DTHD1: variants seen among roughly 807,000 people sequenced by gnomAD.
DTHD1 encodes the protein death domain-containing protein 1.
In DTHD1, 59 loss-of-function variants were observed where a neutral mutation model predicts 74.8. The observed-to-expected ratio is 0.79, with a 90% CI of 0.64 to 0.98. The LOEUF (loss-of-function observed/expected upper bound fraction) is 0.98, where lower values mean the gene tolerates loss of function less well. DTHD1 is among the 50% of genes least tolerant of loss of function. DTHD1 has a pLI of 0.00. For missense variants in DTHD1, 1,051 were observed against 1,065.4 expected (o/e 0.99, Z 0.19); for synonymous variants, 365 against 371.1 (o/e 0.98, Z 0.19).
chr4:36,297,225 G>GA (rs1361221553), intron 5 of DTHD1, among the ~76,000 whole-genome samples: 1 of 152,116 alleles, frequency 6.6e-6, no homozygotes, highest in African/African-American at 2.4e-5. Flanking sequence ...CACACCTACA[G>GA]AATTCAAACC....
chr4:36,330,652 T>C (rs1758608338), intron 8 of DTHD1, among the ~76,000 whole-genome samples: 1 of 152,128 alleles, frequency 6.6e-6, no homozygotes, highest in Admixed American at 6.5e-5. Context: ...TCATGACTAG[T>C]TTTGCCATAT....
Position 36,345,548 on chromosome 4 carries a change from A to G in DTHD1, c.*1724A>G, listed in dbSNP as rs902251926. ...AAATTAACCAGGGATTTAGATATCT[A>G]TTCAGGTATATATCAAAAAAGGCGA... On this transcript the variant is annotated 3_prime_UTR_variant, in exon 10 of 10. Transcript: ENST00000639862. 7 of 152,336 alleles carry G rather than the reference A, an allele frequency of 4.6e-5. No individual in the cohort carries two copies. The East Asian group carries it at 1.2e-3, about 25-fold the overall frequency. The allele number at this position is 152,336 out of a possible 1,614,324, so 9.4% of individuals were successfully genotyped here.
In DTHD1 at chr4:36,319,709, T is replaced by C. The variant is rs566208683; in HGVS notation, c.2340+3223T>C. Among the ~76,000 whole-genome samples the C allele has an allele frequency of 2.0e-4, 31 of 152,372 alleles. No individual in the cohort carries two copies. In the South Asian group the frequency reaches 5.2e-3, roughly 25 times the overall value. ...GGAATTCAGCTTTCACTTATTAGTG[T>C]TTCCTCTGTTGCCTGACTTTATAAA... On this transcript the variant is annotated intron_variant, in intron 8 of 9. Transcript: ENST00000639862.
chr4:36,307,139 TGAA>T (rs1192989003), intron 6 of DTHD1, among the ~76,000 whole-genome samples: 7 of 152,324 alleles, frequency 4.6e-5, no homozygotes, highest in African/African-American at 1.4e-4. Context: ...GCCAAATCAC[TGAA>T]GAAGAATTTG....
At chr4:36,332,455 C>T (rs755310664) in intron 8 of DTHD1, among the ~76,000 whole-genome samples, 6 of 152,078 alleles carry the variant, frequency 3.9e-5, no homozygotes, top group African/African-American at 4.8e-5. Context: ...TCATTCTTTG[C>T]GGCTGGGAAG....
Position 36,326,253 on chromosome 4 carries a change from C to T in DTHD1, c.2340+9767C>T, listed in dbSNP as rs930364661. Among the ~76,000 whole-genome samples, 3 of 149,994 alleles carry T rather than the reference C, an allele frequency of 2.0e-5. No individual in the cohort carries two copies. The East Asian group carries it at 5.8e-4, about 29-fold the overall frequency. ...CTGCACTGTATCTGTAACTAAAGCA[C>T]TTTGAATATATATATAACATATATA... On this transcript the variant is annotated intron_variant, in intron 8 of 9. Coordinates refer to ENST00000639862, the MANE Select transcript of DTHD1 (RefSeq NM_001170700.3).
intron 8 of DTHD1, among the ~76,000 whole-genome samples, chr4:36,337,220 C>T (rs908065685): frequency 6.6e-6 from 1 of 152,008 alleles, no homozygotes; most frequent in Non-Finnish European, 1.5e-5. Context: ...AAGAAGGCAA[C>T]GTAGAAAATC....
At chr4:36,339,073 T>G in intron 8 of DTHD1, 39 bp from the exon 9 acceptor site, 1 of 1,486,286 alleles carries the variant, frequency 6.7e-7, no homozygotes, top group Non-Finnish European at 9.1e-7. Context: ...ACAAATTAAT[T>G]ACTTCTTCTG....
chr4:36,324,693 CT>C (rs1758239600), intron 8 of DTHD1, among the ~76,000 whole-genome samples: 1 of 152,186 alleles, frequency 6.6e-6, no homozygotes, highest in Admixed American at 6.5e-5. Context: ...AAAATTCTAG[CT>C]TTCAAGGAGA....
chr4:36,325,960 A>C (rs913928142), intron 8 of DTHD1, among the ~76,000 whole-genome samples: 1 of 152,150 alleles, frequency 6.6e-6, no homozygotes, highest in Non-Finnish European at 1.5e-5. Context: ...TCACTCTTCC[A>C]AAACTTCTCA....
At chr4:36,325,889 C>A (rs61307526) in intron 8 of DTHD1, among the ~76,000 whole-genome samples, 43,044 of 152,016 alleles carry the variant, frequency 0.28, 6,340 homozygotes, top group South Asian at 0.38. Context: ...CCCTTATCTG[C>A]TTTAGGCTGC....
At chr4:36,312,912 A>G (rs1757486724) in intron 7 of DTHD1, among the ~76,000 whole-genome samples, 1 of 152,214 alleles carries the variant, frequency 6.6e-6, no homozygotes, top group Non-Finnish European at 1.5e-5. Context: ...TTAGAGCAAG[A>G]GGAGAAGCAA....
rs1302474040 is a variant in DTHD1, at chr4:36,308,498, G to A, written c.2095+5G>A. ...CTGGAAACATATTTGCTTCAAGTAA[G>A]TATAAAGAAATCTTTTTATATATTT... On this transcript the variant is annotated splice_donor_5th_base_variant and intron_variant, in intron 7 of 9. Coordinates refer to ENST00000639862, the MANE Select transcript of DTHD1 (RefSeq NM_001170700.3). 2.6e-6 allele frequency: 4 copies of A among 1,538,640 alleles called. No individual in the cohort carries two copies. In the Admixed American group the frequency reaches 8.1e-5, roughly 31 times the overall value.
intron 2 of DTHD1, among the ~76,000 whole-genome samples, chr4:36,287,896 A>G (rs1755812808): frequency 6.6e-6 from 1 of 151,976 alleles, no homozygotes. Context: ...CCTTTGTCGG[A>G]TATATAGATT....
At chr4:36,337,127 G>A (rs1021245941) in intron 8 of DTHD1, among the ~76,000 whole-genome samples, 3 of 152,092 alleles carry the variant, frequency 2.0e-5, no homozygotes, top group Non-Finnish European at 2.9e-5. Flanking sequence ...AAGGTAGTGT[G>A]CAAAGCGAAA....
At chr4:36,337,712 T>C (rs543316343) in intron 8 of DTHD1, among the ~76,000 whole-genome samples, 1 of 152,362 alleles carries the variant, frequency 6.6e-6, no homozygotes, top group African/African-American at 2.4e-5. Flanking sequence ...CTTCCATGTT[T>C]ATGTAATATT....
intron 9 of DTHD1, among the ~76,000 whole-genome samples, chr4:36,339,589 A>G (rs754432154): frequency 1.6e-4 from 24 of 152,242 alleles, no homozygotes; most frequent in Non-Finnish European, 3.2e-4. Context: ...CATAAGAAAC[A>G]TTTAATATTT....
At chr4:36,310,335 AAGAAG>A (rs1480312967) in intron 7 of DTHD1, among the ~76,000 whole-genome samples, 1 of 152,238 alleles carries the variant, frequency 6.6e-6, no homozygotes, top group African/African-American at 2.4e-5. Flanking sequence ...GAAAAAGAAC[AAGAAG>A]AGAAAACAGC....
At chr4:36,337,653 T>C (rs1759087288) in intron 8 of DTHD1, among the ~76,000 whole-genome samples, 1 of 152,244 alleles carries the variant, frequency 6.6e-6, no homozygotes, top group African/African-American at 2.4e-5. Context: ...ACTCATGCTA[T>C]GTTTCTTAAT....
Sources: gnomAD v4.1 joint callset for allele counts (sites outside exome capture counted in the v4.1 genomes callset) on GRCh38, gnomAD v4.1.1 for gene constraint, MANE v1.5 for transcripts, NCBI Gene and HGNC (gene_info 2026-07-23, HGNC 2026-07-21) for gene names.